Variants in ITGA7 observed in about 807,000 individuals in gnomAD.
ITGA7 encodes the protein integrin alpha-7.
ITGA7 carries 84 observed loss-of-function variants against 131.6 expected under a neutral mutation model. The ratio of observed to expected loss-of-function variants is 0.64; its 90% CI spans 0.54 to 0.77. The LOEUF is 0.77. Ranked by LOEUF, ITGA7 falls within the 30% of genes least tolerant of loss-of-function variation. ITGA7 has a pLI of 0.00. For synonymous variants in ITGA7, 548 were observed against 600.7 expected (o/e 0.91, Z 1.28); for missense variants, 1,399 against 1,482.9 (o/e 0.94, Z 0.93).
upstream of ITGA7, among the ~76,000 whole-genome samples, chr12:55,711,278 G>A (rs1876086937): frequency 6.6e-6 from 1 of 152,130 alleles, no homozygotes; most frequent in Admixed American, 6.5e-5. Flanking sequence ...AGGAGTTTGA[G>A]ACCAGCCTGG....
At chr12:55,708,110 T>C (rs1235065454), upstream of ITGA7, 10 of 883,398 alleles carry the variant, frequency 1.1e-5, no homozygotes, top group Non-Finnish European at 1.4e-5. Flanking sequence ...CGCGGCGCTC[T>C]CCTCCCCTTC....
Position 55,699,990 on chromosome 12 carries a change from C to T in ITGA7, c.671-1G>A, listed in dbSNP as rs777049999. 36 of 1,613,858 alleles carry T rather than the reference C, an allele frequency of 2.2e-5. 1 individual carries two copies. In the South Asian group the frequency reaches 3.8e-4, roughly 17 times the overall value. On this transcript the variant is annotated splice_acceptor_variant, in intron 4 of 24. Coordinates refer to ENST00000257879, the MANE Select transcript of ITGA7 (RefSeq NM_002206.3). LOFTEE classifies it high-confidence loss of function. ...TCAATGTTGGTCACAAAAAGCAACC[C>T]TGTGGGGGGTGGGGTGAGACACCAG...
chr12:55,691,957 G>A (rs1871505421), intron 21 of ITGA7, among the ~76,000 whole-genome samples: 1 of 152,150 alleles, frequency 6.6e-6, no homozygotes, highest in African/African-American at 2.4e-5. Flanking sequence ...CCCCATCCTA[G>A]CAGGGAGGGG....
chr12:55,702,525 G>A (rs928778393), intron 3 of ITGA7, among the ~76,000 whole-genome samples: 1 of 151,890 alleles, frequency 6.6e-6, no homozygotes, highest in Non-Finnish European at 1.5e-5. Flanking sequence ...ATGTTGGTCC[G>A]GCTGGTCTCG....
rs760407686 is a variant in ITGA7, at chr12:55,692,909, G to A, written c.2779C>T (p.Arg927Trp). 27 of 1,613,892 alleles carry A rather than the reference G, an allele frequency of 1.7e-5. No homozygotes were observed. Among genetic ancestry groups the A allele is most frequent in the Middle Eastern group, 1.6e-4 (1 of 6,084 alleles). Residue 927 changes from arginine to tryptophan, a missense_variant, in exon 21 of 25, where the codon CGG (arginine) becomes TGG (tryptophan). Coordinates refer to ENST00000257879, the MANE Select transcript of ITGA7 (RefSeq NM_002206.3). Reference sequence around the variant, plus strand: ...CACCAGGACATGCTGGGCTCCTGCCGCTCACCAGGCTCCTGCTGCTCAGGT... The same window carrying A: ...CACCAGGACATGCTGGGCTCCTGCCACTCACCAGGCTCCTGCTGCTCAGGT... ...EPPEQQEPGE[R>W]QEPSMSWWPV...
intron 24 of ITGA7, among the ~76,000 whole-genome samples, chr12:55,687,648 G>A (rs1348586989): frequency 2.0e-5 from 3 of 151,480 alleles, no homozygotes; most frequent in Non-Finnish European, 4.4e-5. Flanking sequence ...GTGCCACCAC[G>A]CCCAGCTAAT....
In ITGA7 at chr12:55,699,919, A is replaced by T; in HGVS notation, c.741T>A (p.Ala247=). 6.2e-7 allele frequency: 1 copy of T among 1,613,958 alleles called. No individual in the cohort carries two copies. The change falls in exon 5 of 25, where the codon GCT becomes GCA. Residue 247 remains alanine, a synonymous_variant. Transcript: ENST00000257879. ...CTCCGGCTGGTCCTGGGAGCCGGTCAGCAGGGTCCAAAGTTTTATACACCA... is the reference window on the plus strand; with the variant it reads ...CTCCGGCTGGTCCTGGGAGCCGGTCTGCAGGGTCCAAAGTTTTATACACCA... ...DQLVYKTLDP[A]DRLPGPAGDL...
At chr12:55,705,347 G>T (rs1049357437) in intron 1 of ITGA7, among the ~76,000 whole-genome samples, 1 of 150,512 alleles carries the variant, frequency 6.6e-6, no homozygotes, top group Admixed American at 6.6e-5. Context: ...GACAGCCACA[G>T]TGTAGCCACT....
intron 19 of ITGA7, among the ~76,000 whole-genome samples, chr12:55,693,730 C>T (rs935088626): frequency 1.2e-4 from 18 of 152,164 alleles, no homozygotes; most frequent in African/African-American, 3.9e-4. Context: ...CATTAACCCC[C>T]CGCCCCATGT....
rs774516318 is a variant in ITGA7 at position 55,697,035 on chromosome 12, C to T, written c.1601G>A (p.Arg534Gln). The T allele has an allele frequency of 2.5e-5, 41 of 1,613,900 alleles. No individual in the cohort carries two copies. Among genetic ancestry groups the T allele is most frequent in the East Asian group, 4.5e-5 (2 of 44,884 alleles). Residue 534 changes from arginine to glutamine, a missense_variant, in exon 12 of 25, where the codon CGG becomes CAG. Physicochemically the swap from Arg to Gln is conservative, Grantham distance 43. Transcript: ENST00000257879. ...ACGGGGAACCTGGCCCCGGAGCCTC[C>T]GGTCTGTGTCCGCATCTAACACATA... ...LDYVLDADTDRRLRGQVPRVT... is the reference protein window; with the variant it reads ...LDYVLDADTDQRLRGQVPRVT...
chr12:55,695,396 C>A (rs1872418898), intron 14 of ITGA7, 126 bp downstream of exon 14: 3 of 717,216 alleles, frequency 4.2e-6, no homozygotes, highest in South Asian at 3.4e-5. Context: ...ATCGGCAGGT[C>A]CTCTTCCACC....
At chr12:55,685,381 T>G in intron 24 of ITGA7, 93 bp from the exon 25 acceptor site, 1 of 1,143,356 alleles carries the variant, frequency 8.7e-7, no homozygotes, top group Non-Finnish European at 1.3e-6. Flanking sequence ...ACCCTCACCA[T>G]CCCTGCTGCG....
chr12:55,693,992 C>T, intron 19 of ITGA7, 29 bp downstream of exon 19: 2 of 1,561,572 alleles, frequency 1.3e-6, no homozygotes, highest in Non-Finnish European at 1.8e-6. Flanking sequence ...GGAGGGTGAC[C>T]ATGGAGGGGC....
chr12:55,713,221 CAG>C (rs1231111500), upstream of ITGA7, among the ~76,000 whole-genome samples: 1 of 152,160 alleles, frequency 6.6e-6, no homozygotes, highest in Non-Finnish European at 1.5e-5. Flanking sequence ...GTGGGGAGGA[CAG>C]AGCCAGGCTG....
Position 55,688,957 on chromosome 12 carries a change from C to T in ITGA7, c.2845G>A (p.Asp949Asn). 3 of 1,613,448 alleles carry T rather than the reference C, an allele frequency of 1.9e-6. No individual in the cohort carries two copies. Among genetic ancestry groups the T allele is most frequent in the Non-Finnish European group, 2.5e-6 (3 of 1,179,470 alleles). Reference sequence around the variant, plus strand: ...CAGTTGGCCGTGCCCCGGGCGCAGTCCTAGGGATAAGGACAGACAGGGGTC... The same window carrying T: ...CAGTTGGCCGTGCCCCGGGCGCAGTTCTAGGGATAAGGACAGACAGGGGTC... ...SAEKKKNITL[D>N]CARGTANCVV... Residue 949 changes from aspartate (D) to asparagine (N), a missense_variant and splice_region_variant, in exon 22 of 25, where the codon GAC becomes AAC. Physicochemically the swap from Asp to Asn is conservative, Grantham distance 23. Coordinates refer to ENST00000257879, the MANE Select transcript of ITGA7 (RefSeq NM_002206.3).
intron 14 of ITGA7, 82 bp downstream of exon 14, chr12:55,695,440 T>C: frequency 3.0e-6 from 3 of 989,968 alleles, no homozygotes; most frequent in Non-Finnish European, 4.8e-6. Flanking sequence ...CCCTTCCCTC[T>C]GACTGGTCCT....
intron 4 of ITGA7, chr12:55,700,477 G>A (rs1873742964): frequency 6.7e-7 from 1 of 1,489,528 alleles, no homozygotes; most frequent in East Asian, 2.3e-5. Flanking sequence ...AGGCACACGG[G>A]GAAGCCCTGC....
chr12:55,685,647 C>T (rs978352684), intron 24 of ITGA7, among the ~76,000 whole-genome samples: 1 of 152,190 alleles, frequency 6.6e-6, no homozygotes, highest in Non-Finnish European at 1.5e-5. Context: ...CAAACAAGAC[C>T]TGAGGAAGAA....
At chr12:55,713,777 T>A (rs528823892), upstream of ITGA7, among the ~76,000 whole-genome samples, 1 of 152,364 alleles carries the variant, frequency 6.6e-6, no homozygotes, top group South Asian at 2.1e-4. Context: ...TTCATGTGCT[T>A]CTCCTCACTA....
Sources: allele counts gnomAD v4.1 joint callset (sites outside exome capture counted in the v4.1 genomes callset), GRCh38; gene constraint gnomAD v4.1.1; transcripts MANE v1.5; gene names NCBI Gene and HGNC (gene_info 2026-07-23, HGNC 2026-07-21).